ZNF439: variants seen among roughly 807,000 people sequenced by gnomAD.
ZNF439 encodes the protein zinc finger protein 439.
In ZNF439, 40 loss-of-function variants were observed where a neutral mutation model predicts 47.3. That is an observed-to-expected ratio of 0.85 (90% CI 0.66 to 1.10). ZNF439 has a LOEUF of 1.10. Ranked by LOEUF, ZNF439 falls within the 50% of genes least tolerant of loss-of-function variation. The pLI is 0.00. For missense variants in ZNF439, 556 were observed against 601.1 expected (o/e 0.93, Z 0.78); for synonymous variants, 171 against 198.8 (o/e 0.86, Z 1.18).
intron 1 of ZNF439, 198 bp from the exon 2 acceptor site, chr19:11,866,007 T>C (rs994823887): frequency 3.9e-5 from 55 of 1,402,182 alleles, no homozygotes; most frequent in Non-Finnish European, 4.8e-5. Flanking sequence ...AAGAGTGAAA[T>C]TCTGTCTCAA....
At chr19:11,861,012 C>T (rs73920389) in intron 1 of ZNF439, among the ~76,000 whole-genome samples, 2,240 of 152,290 alleles carry the variant, frequency 0.015, 43 homozygotes, top group African/African-American at 0.052. Context: ...GGACACTACA[C>T]ACGGTTCGGC....
intron 1 of ZNF439, chr19:11,850,530 T>C (rs1266046521): frequency 6.6e-6 from 1 of 151,974 alleles, no homozygotes; most frequent in Admixed American, 6.6e-5. Flanking sequence ...CAGATTTCAG[T>C]TGGAAGAGTT....
chr19:11,865,640 A>G (rs983034012), intron 1 of ZNF439, among the ~76,000 whole-genome samples: 7 of 141,322 alleles, frequency 5.0e-5, no homozygotes, highest in African/African-American at 1.9e-4. Context: ...CTGTTATGAC[A>G]GGTGCTACAG....
chr19:11,868,354 G>A lies in ZNF439; in HGVS notation c.1300G>A (p.Gly434Ser). ...FRSAPNLQLH[G>S]RTHTGEKPYQ... ...ATCTGCCCCAAATCTTCAATTGCAT[G>A]GTAGGACTCACACTGGAGAGAAACC... The change falls in exon 4 of 4, where the codon GGT becomes AGT. Residue 434 changes from glycine (G) to serine (S), a missense_variant. Coordinates refer to ENST00000682736, the MANE Select transcript of ZNF439 (RefSeq NM_001348719.2). 3 of 1,602,674 alleles carry A rather than the reference G, an allele frequency of 1.9e-6. No homozygotes were observed. The highest frequency in any genetic ancestry group is 2.6e-6 in the Non-Finnish European group (3 of 1,170,664).
At chr19:11,862,792 A>G (rs1029553947) in intron 1 of ZNF439, among the ~76,000 whole-genome samples, 2 of 151,192 alleles carry the variant, frequency 1.3e-5, no homozygotes, top group African/African-American at 4.9e-5. Context: ...CTTTTTGCCC[A>G]GGCTGGAATG....
At chr19:11,849,262 C>G (rs1976163129) in intron 1 of ZNF439, 2 of 1,018,534 alleles carry the variant, frequency 2.0e-6, no homozygotes, top group Non-Finnish European at 2.3e-6. Context: ...GGAGGAGCAG[C>G]GGTCTGTGGG....
Position 11,860,875 on chromosome 19 carries a change from A to G in ZNF439, c.64-5330A>G, listed in dbSNP as rs116824118. Among the ~76,000 whole-genome samples, 610 of 152,308 alleles carry G rather than the reference A, an allele frequency of 4.0e-3. 3 individuals are homozygous for G. The highest frequency in any genetic ancestry group is 0.014 in the African/African-American group (594 of 41,572). On this transcript the variant is annotated intron_variant, in intron 1 of 3. Transcript: ENST00000682736. ...GTGTACCTTCTGGCGGCAGGTGCAG[A>G]CACGAGTTTGCCCACATTCTGCATT...
intron 1 of ZNF439, among the ~76,000 whole-genome samples, chr19:11,854,829 C>G (rs1976342376): frequency 6.6e-6 from 1 of 152,098 alleles, no homozygotes; most frequent in South Asian, 2.1e-4. Flanking sequence ...ACAAGATTTA[C>G]AGGTCAATTG....
chr19:11,867,908 A>G lies in ZNF439; in HGVS notation c.854A>G (p.His285Arg). Reference protein sequence around the residue: ...YECQECGKAFHSPRSCHRHER... With the variant: ...YECQECGKAFRSPRSCHRHER... ...TGTCAGGAATGTGGGAAAGCATTCC[A>G]TAGTCCCAGATCCTGTCACAGACAT... Residue 285 changes from histidine (H) to arginine (R), a missense_variant, in exon 4 of 4, where the codon CAT (histidine) becomes CGT (arginine). Transcript: ENST00000682736. 3 of 1,613,952 alleles carry G rather than the reference A, an allele frequency of 1.9e-6. No homozygotes were observed. The highest frequency in any genetic ancestry group is 2.5e-6 in the Non-Finnish European group (3 of 1,179,952).
rs550301341 is a variant in ZNF439, at chr19:11,865,568, A to G, written c.64-637A>G. On this transcript the variant is annotated intron_variant, in intron 1 of 3. Transcript: ENST00000682736. Reference sequence around the variant, plus strand: ...TTACACTTTGGGAACAGGCATTTTCAAGGATACACAGCTTCAGGACTGCTA... The same window carrying G: ...TTACACTTTGGGAACAGGCATTTTCGAGGATACACAGCTTCAGGACTGCTA... Among the ~76,000 whole-genome samples the G allele has an allele frequency of 5.3e-5, 8 of 151,090 alleles. No homozygotes were observed. In the East Asian group the frequency reaches 1.5e-3, roughly 29 times the overall value.
intron 1 of ZNF439, chr19:11,849,198 G>A: frequency 9.3e-7 from 1 of 1,072,648 alleles, no homozygotes; most frequent in South Asian, 2.5e-5. Context: ...GCTTGTGCGG[G>A]GGCCACGGGA....
intron 1 of ZNF439, among the ~76,000 whole-genome samples, chr19:11,858,471 A>G (rs1468577893): frequency 1.5e-5 from 2 of 129,922 alleles, no homozygotes; most frequent in Admixed American, 1.5e-4. Context: ...ATCTCGGAAA[A>G]AAAAAAAAAA....
intron 1 of ZNF439, chr19:11,856,009 G>T (rs1217191467): frequency 6.6e-6 from 1 of 152,236 alleles, no homozygotes; most frequent in Admixed American, 6.5e-5. Flanking sequence ...CACTCACATG[G>T]TGTGTCCATC....
chr19:11,852,443 T>C (rs1976274308), intron 1 of ZNF439, among the ~76,000 whole-genome samples: 3 of 152,196 alleles, frequency 2.0e-5, no homozygotes, highest in Admixed American at 2.0e-4. Flanking sequence ...CTCAACCCCA[T>C]GATCACATTG....
chr19:11,862,770 C>T (rs1042665579), intron 1 of ZNF439, among the ~76,000 whole-genome samples: 10 of 151,434 alleles, frequency 6.6e-5, no homozygotes, highest in African/African-American at 1.7e-4. Context: ...CTTTTGGAGA[C>T]GGAGTTTTGC....
chr19:11,848,828 G>T lies in ZNF439; in HGVS notation c.-40G>T. 6.6e-7 allele frequency: 1 copy of T among 1,518,078 alleles called. No individual in the cohort carries two copies. The highest frequency in any genetic ancestry group is 8.9e-7 in the Non-Finnish European group (1 of 1,121,444). The allele number at this position is 1,518,078 out of a possible 1,614,324, so 94.0% of individuals were successfully genotyped here. ...CCTTTCCAGCCCCGAGAGGGACCTA[G>T]TGCCTCTACCCAGATTTCTGTCGCT... On this transcript the variant is annotated 5_prime_UTR_variant, in exon 1 of 4. The change abolishes the stop of an existing upstream ORF in the 5' untranslated region. Transcript: ENST00000682736.
rs924063686 is a variant in ZNF439 at position 11,849,266 on chromosome 19, C to T, written c.63+336C>T. 4.9e-6 allele frequency: 5 copies of T among 1,013,702 alleles called. No individual in the cohort carries two copies. The African/African-American group carries it at 5.2e-5, about 11-fold the overall frequency. The allele number at this position is 1,013,702 out of a possible 1,614,324, so 62.8% of individuals were successfully genotyped here. A position where few individuals can be genotyped will look rare whatever the true frequency, so the allele number is the denominator to read the frequency against. ...TTTCGTCCGTAGGAGGAGCAGCGGTCTGTGGGGCCCACAGCCTCCACTTTC... is the reference window on the plus strand; with the variant it reads ...TTTCGTCCGTAGGAGGAGCAGCGGTTTGTGGGGCCCACAGCCTCCACTTTC... On this transcript the variant is annotated intron_variant, in intron 1 of 3. Transcript: ENST00000682736.
Position 11,868,855 on chromosome 19 carries a change from C to A in ZNF439, c.*286C>A. 1 of 459,776 alleles carries A rather than the reference C, an allele frequency of 2.2e-6. No homozygotes were observed. The highest frequency in any genetic ancestry group is 4.3e-5 in the East Asian group (1 of 23,454). 28.5% of individuals were successfully genotyped at this position (459,776 alleles called of 1,614,324 possible). ...TGTGGAAAAGCGTTCCATAATTTCT[C>A]TTCTTTTCAAATACATGAAAGTTGC... On this transcript the variant is annotated 3_prime_UTR_variant, in exon 4 of 4. Coordinates refer to ENST00000682736, the MANE Select transcript of ZNF439 (RefSeq NM_001348719.2).
chr19:11,866,726 T>TA, intron 3 of ZNF439, 129 bp downstream of exon 3: 1 of 961,284 alleles, frequency 1.0e-6, no homozygotes, highest in Non-Finnish European at 1.5e-6. Flanking sequence ...ATATTTTATC[T>TA]AAAAATATAT....
Sources: allele counts gnomAD v4.1 joint callset (sites outside exome capture counted in the v4.1 genomes callset), GRCh38; gene constraint gnomAD v4.1.1; transcripts MANE v1.5; gene names NCBI Gene and HGNC (gene_info 2026-07-23, HGNC 2026-07-21).